Variants in CLEC2A observed in about 807,000 individuals in gnomAD.
The protein encoded by CLEC2A is C-type lectin domain family 2 member A, also known as keratinocyte-associated C-type lectin.
In CLEC2A, 19 loss-of-function variants were observed where a neutral mutation model predicts 18.6. The observed-to-expected ratio is 1.02, with a 90% CI of 0.71 to 1.50. CLEC2A has a LOEUF of 1.50. CLEC2A is among the 40% of genes most tolerant of loss of function. The pLI is 0.00. For synonymous variants in CLEC2A, 74 were observed against 64.0 expected (o/e 1.16, Z -0.75); for missense variants, 190 against 207.9 (o/e 0.91, Z 0.53).
At chr12:9,919,005 G>T (rs139083930) in intron 3 of CLEC2A, among the ~76,000 whole-genome samples, 1 of 152,132 alleles carries the variant, frequency 6.6e-6, no homozygotes, top group Non-Finnish European at 1.5e-5. Flanking sequence ...AGTAGGTTGC[G>T]CTTGGACGTA....
the CLEC2A span, among the ~76,000 whole-genome samples, chr12:9,883,100 G>A: frequency 6.6e-6 from 1 of 152,204 alleles, no homozygotes; most frequent in Non-Finnish European, 1.5e-5. Flanking sequence ...CTGTAGGCAT[G>A]TTTGTGCTTG....
downstream of CLEC2A, among the ~76,000 whole-genome samples, chr12:9,909,756 AG>A: frequency 6.6e-6 from 1 of 152,070 alleles, no homozygotes; most frequent in South Asian, 2.1e-4. Flanking sequence ...GCTGGTAAGG[AG>A]CTGGCTCATG....
intron 1 of CLEC2A, among the ~76,000 whole-genome samples, chr12:9,929,523 T>G (rs554851628): frequency 6.6e-6 from 1 of 152,306 alleles, no homozygotes; most frequent in Admixed American, 6.5e-5. Flanking sequence ...TCAAATGCAC[T>G]TACTGAATAA....
At chr12:9,913,180 T>A, downstream of CLEC2A, 1 of 254,034 alleles carries the variant, frequency 3.9e-6, no homozygotes, top group Non-Finnish European at 6.3e-6. Context: ...TATGTTATAA[T>A]TTTTATGTAT....
intron 3 of CLEC2A, among the ~76,000 whole-genome samples, chr12:9,921,164 G>A (rs1431679121): frequency 1.3e-5 from 2 of 152,154 alleles, no homozygotes; most frequent in African/African-American, 2.4e-5. Context: ...AAGATTACAT[G>A]AGATTATATA....
chr12:9,908,701 G>C (rs113035143), downstream of CLEC2A, among the ~76,000 whole-genome samples: 228 of 152,284 alleles, frequency 1.5e-3, no homozygotes, highest in African/African-American at 5.3e-3. Flanking sequence ...CCCTCTTAAA[G>C]AGACCTGTTC....
the CLEC2A span, chr12:9,884,983 C>T: frequency 1.5e-6 from 2 of 1,345,518 alleles, no homozygotes; most frequent in African/African-American, 3.0e-5. Context: ...TATTTGGATG[C>T]ATTGTGATCC....
intron 2 of CLEC2A, among the ~76,000 whole-genome samples, chr12:9,924,151 G>A (rs957466257): frequency 1.3e-5 from 2 of 151,742 alleles, no homozygotes; most frequent in African/African-American, 2.4e-5. Context: ...AATAATAATC[G>A]CCATACTGAC....
the CLEC2A span, among the ~76,000 whole-genome samples, chr12:9,878,896 G>C: frequency 6.6e-6 from 1 of 152,168 alleles, no homozygotes; most frequent in African/African-American, 2.4e-5. Context: ...TTTTTAGGAG[G>C]ATGGGGGGAT....
intron 2 of CLEC2A, among the ~76,000 whole-genome samples, chr12:9,925,086 C>A (rs34241398): frequency 0.075 from 11,477 of 152,204 alleles, 498 homozygotes; most frequent in African/African-American, 0.098. Flanking sequence ...TAATTTATTA[C>A]CCTTTGTTGA....
At chr12:9,903,330 C>T (rs11053506) in intron 4 of CLEC2A, among the ~76,000 whole-genome samples, 17,608 of 151,964 alleles carry the variant, frequency 0.12, 1,574 homozygotes, top group East Asian at 0.34. Flanking sequence ...TACTAGGCCT[C>T]GGGCACAGAA....
At chr12:9,916,642 T>TA (rs1863075970) in intron 4 of CLEC2A, 58 bp downstream of exon 4, 2 of 1,130,264 alleles carry the variant, frequency 1.8e-6, no homozygotes, top group Non-Finnish European at 2.6e-6. Context: ...CAAAATGATT[T>TA]AAAATTTTTC....
the CLEC2A span, among the ~76,000 whole-genome samples, chr12:9,884,609 TATATA>T: frequency 6.7e-6 from 1 of 148,570 alleles, no homozygotes; most frequent in Non-Finnish European, 1.5e-5. Context: ...ATTTATATTT[TATATA>T]ATATGTTATA....
intron 4 of CLEC2A, among the ~76,000 whole-genome samples, chr12:9,901,929 T>C (rs1052990054): frequency 6.6e-6 from 1 of 152,224 alleles, no homozygotes; most frequent in Non-Finnish European, 1.5e-5. Flanking sequence ...TTCTTGAATG[T>C]GGCCAATATG....
chr12:9,930,028 G>A (rs71450006), intron 1 of CLEC2A, among the ~76,000 whole-genome samples: 1,893 of 152,048 alleles, frequency 0.012, 20 homozygotes, highest in Non-Finnish European at 0.02. Context: ...CAAACTGGGC[G>A]GCTAAAATTA....
downstream of CLEC2A, among the ~76,000 whole-genome samples, chr12:9,894,126 T>TC (rs1862724726): frequency 1.5e-5 from 2 of 130,198 alleles, no homozygotes; most frequent in Non-Finnish European, 3.2e-5. Flanking sequence ...TTTCTTTTCT[T>TC]TCTCTCTCTC....
At chr12:9,894,543 G>T (rs1862735578), downstream of CLEC2A, among the ~76,000 whole-genome samples, 1 of 152,132 alleles carries the variant, frequency 6.6e-6, no homozygotes, top group African/African-American at 2.4e-5. Flanking sequence ...TTGTTCTTAT[G>T]TGAACAACAT....
At chr12:9,893,595 A>G in the CLEC2A span, 1 of 614,998 alleles carries the variant, frequency 1.6e-6, no homozygotes, top group South Asian at 2.8e-5. Context: ...TTATTTTTAT[A>G]TTAAACTTCT....
At chr12:9,885,695 ATATC>A in the CLEC2A span, among the ~76,000 whole-genome samples, 5 of 151,976 alleles carry the variant, frequency 3.3e-5, no homozygotes, top group African/African-American at 7.2e-5. Flanking sequence ...ACAAGGGAAA[ATATC>A]AGACTTTTCT....
Sources: gnomAD v4.1 joint callset for allele counts (sites outside exome capture counted in the v4.1 genomes callset) on GRCh38, gnomAD v4.1.1 for gene constraint, MANE v1.5 for transcripts, NCBI Gene and HGNC (gene_info 2026-07-23, HGNC 2026-07-21) for gene names.